LNX1: variants seen among roughly 807,000 people sequenced by gnomAD.
The protein encoded by LNX1 is E3 ubiquitin-protein ligase LNX.
In LNX1, 54 loss-of-function variants were observed where a neutral mutation model predicts 68.4. The ratio of observed to expected loss-of-function variants is 0.79; its 90% confidence interval spans 0.63 to 0.99. The LOEUF is 0.99. Ranked by LOEUF, LNX1 falls within the 50% of genes least tolerant of loss-of-function variation. The pLI is 0.00. For synonymous variants in LNX1, 336 were observed against 350.0 expected (o/e 0.96, Z 0.45); for missense variants, 906 against 926.4 (o/e 0.98, Z 0.29).
intron 8 of LNX1, 84 bp from the exon 9 acceptor site, chr4:53,477,065 C>A: frequency 8.4e-7 from 1 of 1,188,048 alleles, no homozygotes; most frequent in Non-Finnish European, 1.2e-6. Flanking sequence ...TAGGGGCTGA[C>A]TGGGATTGCA....
intron 1 of LNX1, among the ~76,000 whole-genome samples, chr4:53,626,337 C>T (rs1351738766): frequency 1.3e-5 from 2 of 151,996 alleles, no homozygotes; most frequent in African/African-American, 2.4e-5. Flanking sequence ...GCATAACCCT[C>T]ATATAATAAA....
At chr4:53,555,876 T>C (rs530144296) in intron 2 of LNX1, among the ~76,000 whole-genome samples, 3 of 152,302 alleles carry the variant, frequency 2.0e-5, no homozygotes, top group South Asian at 2.1e-4. Context: ...ATTTATGTAC[T>C]TGTAGAAGAG....
intron 2 of LNX1, among the ~76,000 whole-genome samples, chr4:53,536,601 T>C (rs187463200): frequency 6.6e-6 from 1 of 152,350 alleles, no homozygotes; most frequent in Admixed American, 6.5e-5. Flanking sequence ...TCTGTGTCCC[T>C]GGTTTGGTGC....
intron 2 of LNX1, among the ~76,000 whole-genome samples, chr4:53,523,714 C>T (rs1280226180): frequency 6.6e-6 from 1 of 152,208 alleles, no homozygotes; most frequent in Non-Finnish European, 1.5e-5. Context: ...GTTTTTGCAT[C>T]TCCAAATGAA....
At chr4:53,464,986 T>C (rs1239718903) in intron 9 of LNX1, among the ~76,000 whole-genome samples, 1 of 152,174 alleles carries the variant, frequency 6.6e-6, no homozygotes, top group African/African-American at 2.4e-5. Flanking sequence ...ATGATAACTT[T>C]TGCAGCTGTG....
intron 2 of LNX1, chr4:53,549,566 G>A (rs937487831): frequency 6.6e-6 from 1 of 151,412 alleles, no homozygotes; most frequent in Non-Finnish European, 1.5e-5. Context: ...AATTATGGTT[G>A]TTTTTGGTGT....
chr4:53,559,401 TA>T (rs1344458248), intron 2 of LNX1, among the ~76,000 whole-genome samples: 4 of 152,140 alleles, frequency 2.6e-5, no homozygotes, highest in African/African-American at 9.7e-5. Context: ...TGGAAAGCAG[TA>T]GAAAGAAGTT....
At chr4:53,566,793 G>T (rs1397940259) in intron 2 of LNX1, among the ~76,000 whole-genome samples, 1 of 149,470 alleles carries the variant, frequency 6.7e-6, no homozygotes, top group Non-Finnish European at 1.5e-5. Flanking sequence ...AAAATAAAAG[G>T]ATGGAGGAAG....
intron 9 of LNX1, among the ~76,000 whole-genome samples, chr4:53,471,105 A>C (rs1298324772): frequency 1.5e-5 from 2 of 129,268 alleles, no homozygotes; most frequent in African/African-American, 2.9e-5. Context: ...ACAAGGCTAC[A>C]GTAACCAAAA....
chr4:53,484,097 C>T lies in LNX1; in HGVS notation c.1351-2243G>A, dbSNP rs549512351. On this transcript the variant is annotated intron_variant, in intron 6 of 10. Transcript: ENST00000263925. ...TGCCATCTGTGAGGAAGTAGCCATC[C>T]CCAGACACCAAACCGGCTAGTGTCT... Among the ~76,000 whole-genome samples, 4 of 152,236 alleles carry T rather than the reference C, an allele frequency of 2.6e-5. No homozygotes were observed. In the South Asian group the frequency reaches 8.3e-4, roughly 32 times the overall value.
In LNX1 at chr4:53,496,207, G is replaced by A; in HGVS notation, c.1166C>T (p.Pro389Leu). ...CAGTTTTATTCCAAGCTGCTCCTCG[G>A]GGCTACTTTTGTTGAGAATCACATG... Reference protein sequence around the residue: ...SFHVILNKSSPEEQLGIKLVR... With the variant: ...SFHVILNKSSLEEQLGIKLVR... Residue 389 changes from proline (P) to leucine (L), a missense_variant, in exon 6 of 11, where the codon CCC (proline) becomes CTC (leucine). Transcript: ENST00000263925. 6.2e-7 allele frequency: 1 copy of A among 1,614,050 alleles called. No individual in the cohort carries two copies. Among genetic ancestry groups the A allele is most frequent in the Non-Finnish European group, 8.5e-7 (1 of 1,180,024 alleles).
At chr4:53,466,474 G>T (rs1722690405) in intron 9 of LNX1, among the ~76,000 whole-genome samples, 1 of 152,230 alleles carries the variant, frequency 6.6e-6, no homozygotes, top group Admixed American at 6.5e-5. Flanking sequence ...CATCTCACTA[G>T]GGAGTGCCAG....
At chr4:53,535,875 G>A (rs1437372883) in intron 2 of LNX1, among the ~76,000 whole-genome samples, 2 of 152,114 alleles carry the variant, frequency 1.3e-5, no homozygotes, top group East Asian at 3.9e-4. Flanking sequence ...CATTTGATAT[G>A]ACCCCTGATA....
intron 2 of LNX1, among the ~76,000 whole-genome samples, chr4:53,514,067 C>T (rs949967168): frequency 1.3e-4 from 20 of 152,182 alleles, no homozygotes; most frequent in African/African-American, 4.8e-4. Context: ...TTTGTTCCTG[C>T]ATCTCCTTCA....
chr4:53,562,931 C>T (rs1183291634), intron 2 of LNX1, among the ~76,000 whole-genome samples: 5 of 152,096 alleles, frequency 3.3e-5, no homozygotes, highest in Non-Finnish European at 7.3e-5. Flanking sequence ...AAAATTTGGG[C>T]CTGGCACAAT....
chr4:53,605,300 G>T (rs2616410), intron 2 of LNX1, among the ~76,000 whole-genome samples: 102,950 of 152,052 alleles, frequency 0.68, 35,314 homozygotes, highest in East Asian at 0.83. Context: ...GTGTGTTATC[G>T]TCTTTAAACA....
intron 1 of LNX1, among the ~76,000 whole-genome samples, chr4:53,626,898 G>A (rs746660775): frequency 1.7e-4 from 26 of 152,222 alleles, no homozygotes; most frequent in Non-Finnish European, 3.8e-4. Flanking sequence ...AATGGAAATT[G>A]AAGCTAGAAG....
At chr4:53,640,023 T>G (rs1200618010) in intron 1 of LNX1, among the ~76,000 whole-genome samples, 1 of 151,674 alleles carries the variant, frequency 6.6e-6, no homozygotes, top group African/African-American at 2.4e-5. Context: ...GGCAACAGAG[T>G]GAGACTCTGT....
Position 53,543,556 on chromosome 4 carries a change from A to G in LNX1, c.380+30067T>C, listed in dbSNP as rs561213270. Among the ~76,000 whole-genome samples, 5 of 152,314 alleles carry G rather than the reference A, an allele frequency of 3.3e-5. No homozygotes were observed. The South Asian group carries it at 1.0e-3, about 32-fold the overall frequency. ...AAAAAAATCACACTATACAAAGAAA[A>G]CGCTGAACAGAGAACTTCCAAGAAG... On this transcript the variant is annotated intron_variant, in intron 2 of 10. Coordinates refer to ENST00000263925, the MANE Select transcript of LNX1 (RefSeq NM_001126328.3).
Sources: gnomAD v4.1 joint callset for allele counts (sites outside exome capture counted in the v4.1 genomes callset) on GRCh38, gnomAD v4.1.1 for gene constraint, MANE v1.5 for transcripts, NCBI Gene and HGNC (gene_info 2026-07-23, HGNC 2026-07-21) for gene names.